Variants in STK32B observed in about 807,000 individuals in gnomAD.
The protein encoded by STK32B is serine/threonine kinase 32B, also known as serine/threonine-protein kinase 32B.
A neutral mutation model predicts 52.6 loss-of-function variants in STK32B; 43 were observed. The ratio of observed to expected loss-of-function variants is 0.82; its 90% confidence interval spans 0.64 to 1.05. STK32B has a LOEUF of 1.05. Ranked by LOEUF, STK32B falls within the 50% of genes least tolerant of loss-of-function variation. The pLI is 0.00. For synonymous variants in STK32B, 238 were observed against 204.3 expected (o/e 1.17, Z -1.41); for missense variants, 621 against 534.6 (o/e 1.16, Z -1.59).
At chr4:5,153,058 A>G (rs1247743876) in intron 2 of STK32B, among the ~76,000 whole-genome samples, 2 of 151,780 alleles carry the variant, frequency 1.3e-5, no homozygotes, top group Non-Finnish European at 2.9e-5. Context: ...CCTGGAGAGG[A>G]CCCCACTGCC....
chr4:5,030,201 A>G, the STK32B span, among the ~76,000 whole-genome samples: 1 of 152,230 alleles, frequency 6.6e-6, no homozygotes, highest in African/African-American at 2.4e-5. Flanking sequence ...AAACCAATAC[A>G]TGGACTAATG....
intron 5 of STK32B, among the ~76,000 whole-genome samples, chr4:5,405,224 C>T (rs140320865): frequency 4.5e-4 from 69 of 152,038 alleles, no homozygotes; most frequent in African/African-American, 1.5e-3. Flanking sequence ...GATTCACCAC[C>T]GAGATCCCCA....
At chr4:5,384,352 A>G (rs375534214) in intron 4 of STK32B, among the ~76,000 whole-genome samples, 10 of 152,148 alleles carry the variant, frequency 6.6e-5, no homozygotes, top group African/African-American at 2.4e-4. Flanking sequence ...CTATTCAGGC[A>G]GATGTGGGGT....
At chr4:5,197,105 C>T (rs1220703163) in intron 3 of STK32B, among the ~76,000 whole-genome samples, 1 of 152,158 alleles carries the variant, frequency 6.6e-6, no homozygotes, top group Non-Finnish European at 1.5e-5. Flanking sequence ...ACTCAGATGT[C>T]TGCAGGGGAA....
At chr4:5,284,411 A>G (rs1232356069) in intron 3 of STK32B, among the ~76,000 whole-genome samples, 1 of 152,190 alleles carries the variant, frequency 6.6e-6, no homozygotes, top group African/African-American at 2.4e-5. Flanking sequence ...TACAATGATA[A>G]TAGAAGGCAT....
At chr4:5,089,468 A>G (rs1712927887) in intron 1 of STK32B, among the ~76,000 whole-genome samples, 1 of 152,172 alleles carries the variant, frequency 6.6e-6, no homozygotes, top group African/African-American at 2.4e-5. Flanking sequence ...TAGTTTGCTG[A>G]GGATGATGGC....
chr4:5,393,988 C>T (rs1479068570), intron 4 of STK32B, among the ~76,000 whole-genome samples: 1 of 152,130 alleles, frequency 6.6e-6, no homozygotes, highest in Non-Finnish European at 1.5e-5. Flanking sequence ...CTAGCTTTCC[C>T]CTCCAGGTTT....
chr4:5,040,388 ATTTTTTTTTTT>A, the STK32B span, among the ~76,000 whole-genome samples: 1 of 118,732 alleles, frequency 8.4e-6, no homozygotes, highest in Non-Finnish European at 1.7e-5. Flanking sequence ...TGGCAGTAGA[ATTTTTTTTTTT>A]TTTTTTTTTT....
chr4:5,163,843 C>G (rs1001435892), intron 2 of STK32B, among the ~76,000 whole-genome samples: 1 of 152,148 alleles, frequency 6.6e-6, no homozygotes, highest in African/African-American at 2.4e-5. Flanking sequence ...TTTACAGGGA[C>G]CCATGGAGAG....
chr4:5,055,418 A>T (rs558477379), intron 1 of STK32B, among the ~76,000 whole-genome samples: 8 of 152,054 alleles, frequency 5.3e-5, no homozygotes, highest in African/African-American at 1.9e-4. Flanking sequence ...GGATTATTAC[A>T]GTCACCTCCC....
the STK32B span, among the ~76,000 whole-genome samples, chr4:5,043,793 C>T: frequency 6.6e-6 from 1 of 152,236 alleles, no homozygotes; most frequent in African/African-American, 2.4e-5. Flanking sequence ...CATGGCCACT[C>T]CCACCTGCAA....
the STK32B span, among the ~76,000 whole-genome samples, chr4:5,035,781 A>AT: frequency 0.021 from 3,054 of 143,910 alleles, 104 homozygotes; most frequent in African/African-American, 0.065. Context: ...GGATCTGTAA[A>AT]TTTTTTTTTT....
At chr4:5,031,675 T>G in the STK32B span, among the ~76,000 whole-genome samples, 1 of 152,146 alleles carries the variant, frequency 6.6e-6, no homozygotes, top group Non-Finnish European at 1.5e-5. Flanking sequence ...ATCATGAGAA[T>G]GCCAAGTCCT....
At chr4:5,083,475 A>G (rs1483122461) in intron 1 of STK32B, among the ~76,000 whole-genome samples, 1 of 152,172 alleles carries the variant, frequency 6.6e-6, no homozygotes, top group Non-Finnish European at 1.5e-5. Context: ...TCACTTGTTT[A>G]TAATTACGTC....
At chr4:5,252,986 C>T (rs983576477) in intron 3 of STK32B, among the ~76,000 whole-genome samples, 1 of 152,138 alleles carries the variant, frequency 6.6e-6, no homozygotes, top group Non-Finnish European at 1.5e-5. Context: ...CTTCTGCCAC[C>T]ACTGCCAACT....
chr4:5,486,896 T>G (rs1277641849), intron 11 of STK32B, among the ~76,000 whole-genome samples: 1 of 152,220 alleles, frequency 6.6e-6, no homozygotes, highest in Non-Finnish European at 1.5e-5. Context: ...TTTGAGAAGT[T>G]TCACTGGCAC....
chr4:5,277,184 T>C (rs1376142208), intron 3 of STK32B, among the ~76,000 whole-genome samples: 1 of 152,258 alleles, frequency 6.6e-6, no homozygotes, highest in Non-Finnish European at 1.5e-5. Flanking sequence ...GTGTGTTTTC[T>C]GAAGACAGTG....
intron 6 of STK32B, among the ~76,000 whole-genome samples, chr4:5,443,687 G>T (rs1303747727): frequency 6.6e-6 from 1 of 151,694 alleles, no homozygotes; most frequent in African/African-American, 2.4e-5. Context: ...CTGCTTTTTA[G>T]AGTTTCCAGT....
chr4:5,193,050 A>G (rs1435576478), intron 3 of STK32B, among the ~76,000 whole-genome samples: 1 of 152,100 alleles, frequency 6.6e-6, no homozygotes, highest in African/African-American at 2.4e-5. Context: ...CCTGTGGCCC[A>G]TGAAGAAGAG....
Sources: allele counts gnomAD v4.1 joint callset (sites outside exome capture counted in the v4.1 genomes callset), GRCh38; gene constraint gnomAD v4.1.1; transcripts MANE v1.5; gene names NCBI Gene and HGNC (gene_info 2026-07-23, HGNC 2026-07-21).